Variants in CDH8 observed in about 807,000 individuals in gnomAD.
CDH8 encodes cadherin 8.
Under a neutral mutation model 68.1 loss-of-function variants are expected in CDH8, and 17 were observed. The observed-to-expected ratio is 0.25, with a 90% CI of 0.17 to 0.37. The LOEUF is 0.37. CDH8 is among the 10% of genes least tolerant of loss of function. The probability of loss-of-function intolerance (pLI) is 1.00; values close to 1 mark genes in which losing one functional copy is unlikely to be tolerated. For missense variants in CDH8, 763 were observed against 999.3 expected (o/e 0.76, Z 3.19); for synonymous variants, 372 against 365.1 (o/e 1.02, Z -0.21).
Position 61,648,145 on chromosome 16 carries a change from T to C in CDH8, c.*5463A>G. 3.7e-6 allele frequency: 1 copy of C among 273,572 alleles called. No homozygotes were observed. Among genetic ancestry groups the C allele is most frequent in the Non-Finnish European group, 6.8e-6 (1 of 146,820 alleles). 16.9% of individuals were successfully genotyped at this position (273,572 alleles called of 1,614,324 possible). On this transcript the variant is annotated 3_prime_UTR_variant, in exon 12 of 12. Transcript: ENST00000577390. ...CAGGAGATGACCCCAAATACCAGCA[T>C]GTAATTTCTGTTTCTCTCACATATT...
At chr16:61,835,121 C>T (rs1962541140) in intron 4 of CDH8, among the ~76,000 whole-genome samples, 2 of 151,916 alleles carry the variant, frequency 1.3e-5, no homozygotes, top group African/African-American at 4.8e-5. Context: ...ACAGGCATGG[C>T]TCTGTCATAT....
At chr16:61,782,106 C>A (rs1487589137) in intron 8 of CDH8, among the ~76,000 whole-genome samples, 1 of 152,194 alleles carries the variant, frequency 6.6e-6, no homozygotes, top group African/African-American at 2.4e-5. Context: ...CGAATAGGAA[C>A]AGCTCCGGTC....
intron 10 of CDH8, among the ~76,000 whole-genome samples, chr16:61,713,110 C>A (rs538635780): frequency 1.9e-4 from 29 of 151,336 alleles, no homozygotes; most frequent in African/African-American, 6.8e-4. Flanking sequence ...GAACAAAAAT[C>A]AAGTTTTAAA....
intron 3 of CDH8, among the ~76,000 whole-genome samples, chr16:61,882,286 T>A (rs559369655): frequency 3.3e-4 from 51 of 152,240 alleles, no homozygotes; most frequent in Admixed American, 6.5e-4. Flanking sequence ...CACGTTTCCA[T>A]GCATTTGCCT....
Position 61,653,554 on chromosome 16 carries a change from G to T in CDH8, c.*54C>A. 3 of 1,531,764 alleles carry T rather than the reference G, an allele frequency of 2.0e-6. No individual in the cohort carries two copies. In the South Asian group the frequency reaches 3.9e-5, roughly 20 times the overall value. The allele number at this position is 1,531,764 out of a possible 1,614,324, so 94.9% of individuals were successfully genotyped here. A position where few individuals can be genotyped will look rare whatever the true frequency, so the allele number is the denominator to read the frequency against. On this transcript the variant is annotated 3_prime_UTR_variant, in exon 12 of 12. Coordinates refer to ENST00000577390, the MANE Select transcript of CDH8 (RefSeq NM_001796.5). ...CACATTGGTTGTATCTAAGGGGAGT[G>T]ACCCTAGAATATTACAGAATGCTCA... is the stretch of plus-strand genomic sequence containing the variant.
At chr16:61,915,646 C>A (rs1353550184) in intron 2 of CDH8, among the ~76,000 whole-genome samples, 1 of 152,142 alleles carries the variant, frequency 6.6e-6, no homozygotes, top group African/African-American at 2.4e-5. Context: ...TTTATATATT[C>A]CCTGTTTGCT....
chr16:61,817,909 T>A, intron 6 of CDH8, 177 bp from the exon 7 acceptor site: 2 of 545,284 alleles, frequency 3.7e-6, no homozygotes, highest in Non-Finnish European at 6.3e-6. Context: ...TTTATTTATG[T>A]CTGTTTATTA....
chr16:61,782,694 A>C (rs1202851302), intron 8 of CDH8, among the ~76,000 whole-genome samples: 1 of 152,150 alleles, frequency 6.6e-6, no homozygotes, highest in Non-Finnish European at 1.5e-5. Flanking sequence ...TCCCTGTCTG[A>C]CAGCTTTGAA....
At chr16:61,791,687 G>A (rs1043965284) in intron 7 of CDH8, among the ~76,000 whole-genome samples, 2 of 152,056 alleles carry the variant, frequency 1.3e-5, no homozygotes, top group Middle Eastern at 3.4e-3. Context: ...ATGGCTATTT[G>A]GTTGCTGTCC....
intron 3 of CDH8, among the ~76,000 whole-genome samples, chr16:61,880,334 C>G (rs1000770701): frequency 3.3e-5 from 5 of 152,188 alleles, no homozygotes; most frequent in Non-Finnish European, 7.3e-5. Context: ...TGTGGAGGTT[C>G]TGAAGCCTTC....
intron 2 of CDH8, among the ~76,000 whole-genome samples, chr16:61,941,424 A>G (rs867930927): frequency 2.6e-5 from 4 of 152,334 alleles, no homozygotes; most frequent in African/African-American, 9.6e-5. Flanking sequence ...TTTGCAGAAT[A>G]TATCACTCTC....
intron 3 of CDH8, among the ~76,000 whole-genome samples, chr16:61,884,574 A>G (rs1009471997): frequency 2.6e-5 from 4 of 152,076 alleles, no homozygotes; most frequent in South Asian, 2.1e-4. Context: ...GGGTTTCACC[A>G]TGTTGGCCAG....
intron 4 of CDH8, among the ~76,000 whole-genome samples, chr16:61,853,108 G>A (rs79932105): frequency 6.6e-6 from 1 of 151,928 alleles, no homozygotes; most frequent in East Asian, 1.9e-4. Flanking sequence ...AGATAACCCT[G>A]ATTTTGTTAA....
intron 8 of CDH8, among the ~76,000 whole-genome samples, chr16:61,751,158 A>G (rs2142947307): frequency 6.6e-6 from 1 of 152,136 alleles, no homozygotes; most frequent in East Asian, 1.9e-4. Context: ...CACTGAAGTC[A>G]AACAATTAAT....
At chr16:61,842,095 G>A (rs1236514729) in intron 4 of CDH8, among the ~76,000 whole-genome samples, 1 of 146,928 alleles carries the variant, frequency 6.8e-6, no homozygotes, top group Non-Finnish European at 1.5e-5. Context: ...TTTTAGTAGA[G>A]ACGGGATTTC....
chr16:61,905,516 T>C (rs528579703), intron 2 of CDH8, among the ~76,000 whole-genome samples: 2 of 152,264 alleles, frequency 1.3e-5, no homozygotes, highest in African/African-American at 4.8e-5. Context: ...TTTATAATGT[T>C]ATATTCACAG....
intron 2 of CDH8, among the ~76,000 whole-genome samples, chr16:61,992,101 A>G (rs2150590173): frequency 6.9e-6 from 1 of 144,472 alleles, no homozygotes; most frequent in Non-Finnish European, 1.5e-5. Context: ...AGATTTTTAC[A>G]GGAAATAAGT....
intron 11 of CDH8, 142 bp downstream of exon 11, chr16:61,655,328 C>T: frequency 1.3e-6 from 1 of 795,606 alleles, no homozygotes; most frequent in Non-Finnish European, 2.0e-6. Context: ...TATTAGAGAT[C>T]TCAAAATGTG....
intron 8 of CDH8, among the ~76,000 whole-genome samples, chr16:61,768,447 G>T (rs556770759): frequency 5.8e-5 from 6 of 103,992 alleles, no homozygotes; most frequent in South Asian, 3.4e-4. Flanking sequence ...TCTCTCTCTC[G>T]CAGTGCCTGG....
Sources: gnomAD v4.1 joint callset for allele counts (sites outside exome capture counted in the v4.1 genomes callset) on GRCh38, gnomAD v4.1.1 for gene constraint, MANE v1.5 for transcripts, NCBI Gene and HGNC (gene_info 2026-07-23, HGNC 2026-07-21) for gene names.